Variants in SLC26A5 observed in about 807,000 individuals in gnomAD.
SLC26A5 encodes the protein solute carrier family 26 member 5.
In SLC26A5, 51 loss-of-function variants were observed where a neutral mutation model predicts 81.0. The observed-to-expected ratio is 0.63, with a 90% CI of 0.50 to 0.80. The LOEUF is 0.80. Ranked by LOEUF, SLC26A5 falls within the 30% of genes least tolerant of loss-of-function variation. SLC26A5 has a pLI of 0.00. For synonymous variants in SLC26A5, 325 were observed against 332.8 expected, an observed-to-expected ratio of 0.98 and a Z score of 0.25; for missense variants, 771 against 905.8, an observed-to-expected ratio of 0.85 and a Z score of 1.91.
At position 103,354,913 on chromosome 7, in the gene SLC26A5, A is replaced by T. The variant is rs1352254476; in HGVS notation, c.2042-1987T>A. The T allele has an allele frequency of 1.6e-5, 26 of 1,613,318 alleles. No homozygotes were observed. The highest frequency in any genetic ancestry group is 2.2e-5 in the Non-Finnish European group (26 of 1,179,504). ...GCAGATCAAGCAAGTTGAAGATGAC[A>T]TTCAGCAACTTCTCAAGAAAATTAA... On this transcript the variant is annotated intron_variant, in intron 19 of 19. Coordinates refer to the SLC26A5 transcript ENST00000339444.
intron 19 of SLC26A5, chr7:103,362,077 G>T: frequency 6.2e-7 from 1 of 1,612,870 alleles, no homozygotes; most frequent in South Asian, 1.1e-5. Context: ...TTGAAGAAGG[G>T]ATGAGAGTGG....
chr7:103,357,889 T>C (rs1001095756), intron 19 of SLC26A5, among the ~76,000 whole-genome samples: 4 of 152,232 alleles, frequency 2.6e-5, no homozygotes, highest in Non-Finnish European at 5.9e-5. Flanking sequence ...AGTTATACCT[T>C]AGTTGCATCT....
At chr7:103,438,021 T>G (rs979722639) in intron 2 of SLC26A5, among the ~76,000 whole-genome samples, 1 of 152,188 alleles carries the variant, frequency 6.6e-6, no homozygotes, top group Non-Finnish European at 1.5e-5. Context: ...TAGGCAAAAC[T>G]AATCTATGGT....
intron 19 of SLC26A5, chr7:103,364,344 A>G (rs1365899186): frequency 6.2e-7 from 1 of 1,607,586 alleles, no homozygotes; most frequent in East Asian, 2.2e-5. Context: ...TAGCCTTGTG[A>G]AAGATTTTAC....
At chr7:103,365,295 T>A (rs1389739643) in intron 19 of SLC26A5, among the ~76,000 whole-genome samples, 1 of 152,060 alleles carries the variant, frequency 6.6e-6, no homozygotes, top group Non-Finnish European at 1.5e-5. Context: ...GCTGGCAAGA[T>A]TAATTTGGTG....
intron 8 of SLC26A5, among the ~76,000 whole-genome samples, chr7:103,398,411 T>C (rs1279659470): frequency 1.3e-5 from 2 of 152,198 alleles, no homozygotes; most frequent in African/African-American, 4.8e-5. Flanking sequence ...ACAATGACAC[T>C]GTATGATTAC....
In SLC26A5 at chr7:103,420,790, C is replaced by T. The variant is rs749187289; in HGVS notation, c.240G>A (p.Val80=). 5.0e-6 allele frequency: 8 copies of T among 1,614,018 alleles called. No individual in the cohort carries two copies. Among genetic ancestry groups the T allele is most frequent in the South Asian group, 3.3e-5 (3 of 91,092 alleles). ...WLPAYKFKEY[V]LGDLVSGIST... ...TTATGCCTGAGACCAAGTCACCCAA[C>T]ACATATTCCTTGAATTTGTATGCTG... The change falls in exon 4 of 20, where the codon GTG becomes GTA. Residue 80 remains valine (V), a synonymous_variant. Coordinates refer to ENST00000306312, the MANE Select transcript of SLC26A5 (RefSeq NM_198999.3).
intron 9 of SLC26A5, among the ~76,000 whole-genome samples, chr7:103,395,482 T>A (rs1484350852): frequency 7.2e-6 from 1 of 139,442 alleles, no homozygotes; most frequent in East Asian, 2.1e-4. Flanking sequence ...TACATATATA[T>A]ATACGCATAT....
intron 19 of SLC26A5, chr7:103,354,898 C>G: frequency 6.2e-7 from 1 of 1,613,392 alleles, no homozygotes; most frequent in Non-Finnish European, 8.5e-7. Context: ...GCAGATCAAG[C>G]AAGTTGAAGA....
chr7:103,362,600 T>A, intron 19 of SLC26A5: 1 of 1,470,920 alleles, frequency 6.8e-7, no homozygotes, highest in Non-Finnish European at 9.3e-7. Flanking sequence ...TTTCTTAAAG[T>A]ATGGTTTTGG....
At chr7:103,426,414 T>C (rs960418129) in intron 2 of SLC26A5, among the ~76,000 whole-genome samples, 4 of 152,196 alleles carry the variant, frequency 2.6e-5, no homozygotes, top group Admixed American at 6.5e-5. Flanking sequence ...GAAATAATCT[T>C]TTAGTATGTC....
chr7:103,378,404 G>T, intron 17 of SLC26A5, 42 bp downstream of exon 17: 1 of 1,572,612 alleles, frequency 6.4e-7, no homozygotes, highest in Non-Finnish European at 8.8e-7. Context: ...GGGCATTGCA[G>T]AACAAGACAG....
intron 19 of SLC26A5, chr7:103,368,263 C>A: frequency 2.0e-6 from 1 of 505,792 alleles, no homozygotes; most frequent in East Asian, 3.5e-5. Context: ...GACCCACACC[C>A]GTTTAAGGAT....
intron 19 of SLC26A5, among the ~76,000 whole-genome samples, chr7:103,364,981 A>ATATATATATATATATT (rs950613120): frequency 1.3e-4 from 19 of 140,782 alleles, no homozygotes; most frequent in African/African-American, 3.7e-4. Context: ...ATATATATAT[A>ATATATATATATATATT]TATTTAGAGA....
At chr7:103,363,485 CTTTT>C in intron 19 of SLC26A5, 1 of 1,520,986 alleles carries the variant, frequency 6.6e-7, no homozygotes, top group Non-Finnish European at 9.1e-7. Flanking sequence ...ATAAAGATGT[CTTTT>C]GTGTATTGAG....
intron 14 of SLC26A5, among the ~76,000 whole-genome samples, chr7:103,382,284 T>G (rs976548481): frequency 1.3e-5 from 2 of 151,494 alleles, no homozygotes; most frequent in African/African-American, 2.4e-5. Flanking sequence ...CAAATTAGCA[T>G]AGATGTTAAC....
intron 2 of SLC26A5, among the ~76,000 whole-genome samples, chr7:103,429,211 T>A (rs1363902521): frequency 6.6e-6 from 1 of 152,224 alleles, no homozygotes; most frequent in Non-Finnish European, 1.5e-5. Context: ...GTTTTGAAAT[T>A]GTATTTTTCT....
At chr7:103,396,745 G>C (rs1275881773) in intron 9 of SLC26A5, among the ~76,000 whole-genome samples, 1 of 152,120 alleles carries the variant, frequency 6.6e-6, no homozygotes, top group Non-Finnish European at 1.5e-5. Context: ...AAGTCCTGGA[G>C]ATACGCTTTA....
At chr7:103,442,053 C>T (rs1180249756) in intron 2 of SLC26A5, among the ~76,000 whole-genome samples, 1 of 152,166 alleles carries the variant, frequency 6.6e-6, no homozygotes. Flanking sequence ...CCTGACTGGA[C>T]ATTAGTATTT....
Sources: allele counts gnomAD v4.1 joint callset (sites outside exome capture counted in the v4.1 genomes callset), GRCh38; gene constraint gnomAD v4.1.1; transcripts MANE v1.5; gene names NCBI Gene and HGNC (gene_info 2026-07-23, HGNC 2026-07-21).